MRPS22: variants seen among roughly 807,000 people sequenced by gnomAD.
MRPS22 encodes mitochondrial ribosomal protein S22.
Under a neutral mutation model 44.0 loss-of-function variants are expected in MRPS22, and 30 were observed. That is an observed-to-expected ratio of 0.68 (90% CI 0.51 to 0.93). The LOEUF (loss-of-function observed/expected upper bound fraction) is 0.93. Ranked by LOEUF, MRPS22 falls within the 40% of genes least tolerant of loss-of-function variation. The pLI, the probability that MRPS22 is intolerant of heterozygous loss-of-function variation, is 0.00. For missense variants in MRPS22, 447 were observed against 447.8 expected (o/e 1.00, Z 0.02); for synonymous variants, 165 against 154.4 (o/e 1.07, Z -0.51).
In MRPS22 at chr3:139,344,154, C is replaced by T. The variant is rs943602652; in HGVS notation, c.128C>T (p.Ser43Phe). 2.5e-6 allele frequency: 4 copies of T among 1,613,080 alleles called. No homozygotes were observed. The highest frequency in any genetic ancestry group is 2.5e-6 in the Non-Finnish European group (3 of 1,179,664). Residue 43 changes from serine (S) to phenylalanine (F), a missense_variant, in exon 1 of 8, where the codon TCT becomes TTT. By Grantham distance (155) the Ser-to-Phe change is radical. Coordinates refer to ENST00000680020, the MANE Select transcript of MRPS22 (RefSeq NM_020191.4). ...HGGLLQPLPCSFEMGLPRRRF... is the reference protein window; with the variant it reads ...HGGLLQPLPCFFEMGLPRRRF... ...GGCCTGCTCCAACCGCTACCTTGCT[C>T]TTTCGAGATGGGGCTGCCACGCCGC...
Position 139,355,772 on chromosome 3 carries a change from G to A in MRPS22, c.969G>A (p.Glu323=), listed in dbSNP as rs776421496. Residue 323 remains glutamate (E), a synonymous_variant, in exon 7 of 8, where the codon GAG becomes GAA. Coordinates refer to ENST00000680020, the MANE Select transcript of MRPS22 (RefSeq NM_020191.4). ...SAQGAKDQAA[E]GINLIKVFAK... ...AAGGGGCCAAGGATCAGGCTGCTGA[G>A]GGAATAAATTTAATCAAGGTAAAGT... 6.2e-7 allele frequency: 1 copy of A among 1,613,972 alleles called. No individual in the cohort carries two copies. Among genetic ancestry groups the A allele is most frequent in the Non-Finnish European group, 8.5e-7 (1 of 1,179,872 alleles).
chr3:139,346,678 G>A (rs868287055), intron 1 of MRPS22, among the ~76,000 whole-genome samples, 200 bp from the exon 2 acceptor site: 4 of 152,178 alleles, frequency 2.6e-5, no homozygotes, highest in African/African-American at 4.8e-5. Context: ...GGCAGAGACC[G>A]AGTCTATCTC....
chr3:139,345,487 G>T (rs1941025539), intron 1 of MRPS22, among the ~76,000 whole-genome samples: 1 of 125,176 alleles, frequency 8.0e-6, no homozygotes, highest in African/African-American at 2.9e-5. Flanking sequence ...GATAATCTTC[G>T]TGTTTACCTC....
intron 6 of MRPS22, among the ~76,000 whole-genome samples, chr3:139,353,819 G>T (rs572142822): frequency 6.6e-6 from 1 of 152,222 alleles, no homozygotes; most frequent in South Asian, 2.1e-4. Context: ...CAAGTGACTT[G>T]TCTTTATGTA....
chr3:139,352,754 G>A lies in MRPS22; in HGVS notation c.840G>A (p.Lys280=). The A allele has an allele frequency of 1.2e-6, 2 of 1,613,794 alleles. No individual in the cohort carries two copies. Among genetic ancestry groups the A allele is most frequent in the Non-Finnish European group, 1.7e-6 (2 of 1,179,812 alleles). Residue 280 remains lysine, a synonymous_variant, in exon 6 of 8, where the codon AAG becomes AAA. Transcript: ENST00000680020. ...GMVWYFVNNK[K]IDGLLIDQIQ... Reference sequence around the variant, plus strand: ...TGTGGTATTTTGTAAATAATAAAAAGATTGATGGTTTGCTGATTGACCAGA... The same window carrying A: ...TGTGGTATTTTGTAAATAATAAAAAAATTGATGGTTTGCTGATTGACCAGA...
chr3:139,345,450 G>GTTTTTTTTT (rs78050187), intron 1 of MRPS22, among the ~76,000 whole-genome samples: 3 of 106,514 alleles, frequency 2.8e-5, no homozygotes, highest in Non-Finnish European at 3.8e-5. Context: ...TTTTTTTTTT[G>GTTTTTTTTT]TTTTTTTTTT....
intron 5 of MRPS22, 112 bp from the exon 6 acceptor site, chr3:139,352,535 G>A (rs1941170423): frequency 1.1e-6 from 1 of 917,706 alleles, no homozygotes; most frequent in Non-Finnish European, 1.8e-6. Context: ...GCAACTGTAA[G>A]TAGACCTGGT....
In MRPS22 at chr3:139,351,270, A is replaced by G. The variant is rs6788313; in HGVS notation, c.732+210A>G. On this transcript the variant is annotated intron_variant, in intron 5 of 7. Transcript: ENST00000680020. Reference sequence around the variant, plus strand: ...AGATGAGGGAATTTAAGCTTGTAGAATTAAGTAGCTTGCTGAAAGTTGCAT... The same window carrying G: ...AGATGAGGGAATTTAAGCTTGTAGAGTTAAGTAGCTTGCTGAAAGTTGCAT... The G allele has an allele frequency of 0.93, 517,883 of 555,804 alleles. 242,577 individuals carry two copies. The highest frequency in any genetic ancestry group is 0.97 in the East Asian group (29,853 of 30,784). The allele number at this position is 555,804 out of a possible 1,614,324, so 34.4% of individuals were successfully genotyped here.
Position 139,349,196 on chromosome 3 carries a change from T to C in MRPS22, c.504+872T>C, listed in dbSNP as rs1005479398. Reference sequence around the variant, plus strand: ...TAATATATGTTTGCAGTGCTGTGCATGTTGGTTGGGAAGCATTTTGTAACT... The same window carrying C: ...TAATATATGTTTGCAGTGCTGTGCACGTTGGTTGGGAAGCATTTTGTAACT... On this transcript the variant is annotated intron_variant, in intron 3 of 7. Transcript: ENST00000680020. 4 of 403,416 alleles carry C rather than the reference T, an allele frequency of 9.9e-6. No homozygotes were observed. The Admixed American group carries it at 1.3e-4, about 13-fold the overall frequency. 25.0% of individuals were successfully genotyped at this position (403,416 alleles called of 1,614,324 possible). A position where few individuals can be genotyped will look rare whatever the true frequency, so the allele number is the denominator to read the frequency against.
At chr3:139,348,042 G>A in intron 2 of MRPS22, 118 bp from the exon 3 acceptor site, 8 of 1,068,130 alleles carry the variant, frequency 7.5e-6, no homozygotes, top group Non-Finnish European at 1.1e-5. Context: ...ACTGATTTGT[G>A]GCTACACCTT....
chr3:139,347,725 T>A (rs190093597), intron 2 of MRPS22, among the ~76,000 whole-genome samples: 15 of 152,340 alleles, frequency 9.8e-5, no homozygotes, highest in Non-Finnish European at 1.5e-4. Flanking sequence ...AGCAATTTAC[T>A]TAACATCTGT....
intron 1 of MRPS22, among the ~76,000 whole-genome samples, chr3:139,345,084 T>C (rs1210957315): frequency 6.6e-6 from 1 of 152,184 alleles, no homozygotes; most frequent in Non-Finnish European, 1.5e-5. Context: ...TGCTGTGTGC[T>C]GGATACCCTG....
At chr3:139,350,577 GC>G (rs1941127588) in intron 4 of MRPS22, 1 of 469,816 alleles carries the variant, frequency 2.1e-6, no homozygotes, top group South Asian at 2.1e-5. Context: ...ACAGGCGCCC[GC>G]CACCACGCTT....
At chr3:139,350,656 G>A (rs1385839886) in intron 4 of MRPS22, 3 of 372,168 alleles carry the variant, frequency 8.1e-6, no homozygotes, top group South Asian at 2.3e-5. Flanking sequence ...TTGAACTCCT[G>A]ACCTCGGGAT....
At chr3:139,351,558 A>T (rs1576363777) in intron 5 of MRPS22, 1 of 182,406 alleles carries the variant, frequency 5.5e-6, no homozygotes, top group African/African-American at 2.4e-5. Flanking sequence ...GCTAGTAAGT[A>T]TACAAATAAT....
chr3:139,348,578 A>G (rs2107788205), intron 3 of MRPS22: 1 of 482,828 alleles, frequency 2.1e-6, no homozygotes, highest in East Asian at 3.9e-5. Context: ...CAGAACAAGG[A>G]GTACACAGAT....
At chr3:139,351,221 A>C (rs907735628) in intron 5 of MRPS22, 161 bp downstream of exon 5, 2 of 641,434 alleles carry the variant, frequency 3.1e-6, no homozygotes, top group Non-Finnish European at 5.6e-6. Context: ...TATATATTTT[A>C]TAATCACAAC....
chr3:139,347,002 GCCACCAA>G lies in MRPS22; in HGVS notation c.300_306del (p.Pro101IlefsTer3). 6.2e-7 allele frequency: 1 copy of G among 1,614,208 alleles called. No homozygotes were observed. Among genetic ancestry groups the G allele is most frequent in the Non-Finnish European group, 8.5e-7 (1 of 1,180,024 alleles). ...TTAAGCCAGCTATACAAGAACTGAA[GCCACCAA>G]CCTATAAGCTAATGACTCAGGCACA... is the stretch of plus-strand genomic sequence containing the variant. On this transcript the variant is annotated frameshift_variant, in exon 2 of 8. Coordinates refer to ENST00000680020, the MANE Select transcript of MRPS22 (RefSeq NM_020191.4). LOFTEE classifies it high-confidence loss of function.
chr3:139,356,110 A>G (rs1941254097), intron 7 of MRPS22, among the ~76,000 whole-genome samples: 1 of 152,214 alleles, frequency 6.6e-6, no homozygotes, highest in African/African-American at 2.4e-5. Context: ...GAGGTGTTCA[A>G]GCCACCAACA....
Sources: gnomAD v4.1 joint callset for allele counts (sites outside exome capture counted in the v4.1 genomes callset) on GRCh38, gnomAD v4.1.1 for gene constraint, MANE v1.5 for transcripts, NCBI Gene and HGNC (gene_info 2026-07-23, HGNC 2026-07-21) for gene names.